KCNMA1: variants seen among roughly 807,000 people sequenced by gnomAD.
The protein encoded by KCNMA1 is Calcium-activated potassium channel subunit alpha-1.
A neutral mutation model predicts 140.0 loss-of-function variants in KCNMA1; 29 were observed. The observed-to-expected ratio is 0.21, with a 90% CI of 0.15 to 0.28. The LOEUF (loss-of-function observed/expected upper bound fraction) is 0.28. Ranked by LOEUF, KCNMA1 falls within the 10% of genes least tolerant of loss-of-function variation. The pLI, the probability that KCNMA1 is intolerant of heterozygous loss-of-function variation, is 1.00. For missense variants in KCNMA1, 880 were observed against 1,602.2 expected (o/e 0.55, Z 7.70); for synonymous variants, 612 against 611.9 (o/e 1.00, Z 0.00).
intron 1 of KCNMA1, among the ~76,000 whole-genome samples, chr10:77,405,838 G>A (rs919384888): frequency 6.6e-6 from 1 of 152,174 alleles, no homozygotes; most frequent in Admixed American, 6.5e-5. Flanking sequence ...GCAGAGGGAG[G>A]CCAGGCACGT....
Position 76,901,413 on chromosome 10 carries a change from A to T in KCNMA1, c.3147+8553T>A, listed in dbSNP as rs578018249. 3 of 152,292 alleles carry T rather than the reference A, an allele frequency of 2.0e-5. No homozygotes were observed. In the East Asian group the frequency reaches 5.8e-4, roughly 29 times the overall value. The allele number at this position is 152,292 out of a possible 1,614,324, so 9.4% of individuals were successfully genotyped here. The stretch of plus-strand genomic sequence containing the variant: ...AATAAAAACACAGTCAATTTTTTTT[A>T]AACAAAGGGCACTATAGGTTATCCA... On this transcript the variant is annotated intron_variant, in intron 25 of 27. Transcript: ENST00000286628.
At chr10:76,944,035 G>T (rs974056313) in intron 23 of KCNMA1, among the ~76,000 whole-genome samples, 1 of 152,142 alleles carries the variant, frequency 6.6e-6, no homozygotes. Context: ...CTACACGGAG[G>T]TGTCACTCAA....
At chr10:77,522,464 A>G (rs1173806504) in intron 1 of KCNMA1, among the ~76,000 whole-genome samples, 3 of 152,220 alleles carry the variant, frequency 2.0e-5, no homozygotes, top group South Asian at 4.1e-4. Flanking sequence ...TCAAAATTGA[A>G]TAACTGTCGG....
At chr10:77,221,958 C>T (rs966833977) in intron 3 of KCNMA1, among the ~76,000 whole-genome samples, 1 of 152,200 alleles carries the variant, frequency 6.6e-6, no homozygotes, top group Non-Finnish European at 1.5e-5. Flanking sequence ...TGAATTTAGA[C>T]AAATGTCAAA....
chr10:77,252,650 C>T (rs2059903727), intron 2 of KCNMA1, among the ~76,000 whole-genome samples: 1 of 151,536 alleles, frequency 6.6e-6, no homozygotes, highest in Non-Finnish European at 1.5e-5. Flanking sequence ...TTTATGTGTG[C>T]CAAAGTGGCT....
chr10:77,366,148 C>CTT (rs2094344355), intron 2 of KCNMA1, among the ~76,000 whole-genome samples: 1 of 149,782 alleles, frequency 6.7e-6, no homozygotes. Flanking sequence ...CTCTCTCTTT[C>CTT]TCTTTCTTTC....
At chr10:76,978,269 A>G (rs2078302052) in intron 19 of KCNMA1, among the ~76,000 whole-genome samples, 1 of 152,222 alleles carries the variant, frequency 6.6e-6, no homozygotes, top group South Asian at 2.1e-4. Flanking sequence ...AATGTGCCCC[A>G]TCAGTTTGGC....
intron 2 of KCNMA1, among the ~76,000 whole-genome samples, chr10:77,382,427 A>C (rs2095422518): frequency 6.6e-6 from 1 of 152,214 alleles, no homozygotes; most frequent in Admixed American, 6.5e-5. Flanking sequence ...GACAGTTTGT[A>C]ATTGGAGGAG....
At chr10:76,942,805 A>T (rs1565077457) in intron 23 of KCNMA1, among the ~76,000 whole-genome samples, 1 of 152,138 alleles carries the variant, frequency 6.6e-6, no homozygotes, top group Admixed American at 6.5e-5. Context: ...TTCTGTCTGT[A>T]CTTAAAGGGA....
chr10:77,168,026 C>A (rs1279868151), intron 5 of KCNMA1, among the ~76,000 whole-genome samples: 1 of 152,106 alleles, frequency 6.6e-6, no homozygotes, highest in Non-Finnish European at 1.5e-5. Context: ...TTGCTCCTAG[C>A]CTATTTATAA....
chr10:76,998,278 T>C (rs2085040862), intron 19 of KCNMA1, among the ~76,000 whole-genome samples: 1 of 152,070 alleles, frequency 6.6e-6, no homozygotes, highest in Non-Finnish European at 1.5e-5. Flanking sequence ...AAACACATAA[T>C]GGGACTTTGT....
At chr10:77,180,320 GT>G (rs2098793301) in intron 5 of KCNMA1, among the ~76,000 whole-genome samples, 1 of 152,154 alleles carries the variant, frequency 6.6e-6, no homozygotes, top group African/African-American at 2.4e-5. Context: ...TGGTACAATG[GT>G]TGTTTCACAA....
chr10:77,030,194 T>C (rs185446234), intron 15 of KCNMA1, among the ~76,000 whole-genome samples: 2 of 152,318 alleles, frequency 1.3e-5, no homozygotes, highest in East Asian at 3.9e-4. Context: ...GGTTTTCTGA[T>C]TCCTGCCAGC....
chr10:77,056,620 T>C (rs2095550384), intron 14 of KCNMA1, among the ~76,000 whole-genome samples: 1 of 152,076 alleles, frequency 6.6e-6, no homozygotes, highest in Admixed American at 6.5e-5. Flanking sequence ...ATGACACAGA[T>C]GTTGGAATAA....
intron 1 of KCNMA1, among the ~76,000 whole-genome samples, chr10:77,430,456 G>A (rs549591986): frequency 6.6e-6 from 1 of 152,258 alleles, no homozygotes; most frequent in South Asian, 2.1e-4. Flanking sequence ...GTCTACTGTA[G>A]CCTTTATCTC....
chr10:77,210,107 C>T (rs888173796), intron 3 of KCNMA1, among the ~76,000 whole-genome samples: 2 of 151,772 alleles, frequency 1.3e-5, no homozygotes, highest in Admixed American at 6.6e-5. Flanking sequence ...AGAGACACAA[C>T]AAAAAAAGAA....
chr10:77,405,126 T>C (rs1338210347), intron 1 of KCNMA1, among the ~76,000 whole-genome samples: 1 of 152,220 alleles, frequency 6.6e-6, no homozygotes, highest in Non-Finnish European at 1.5e-5. Context: ...AACCTTTGCA[T>C]ACAGTGAGTG....
At chr10:77,359,442 G>A (rs1222535453) in intron 2 of KCNMA1, among the ~76,000 whole-genome samples, 1 of 152,114 alleles carries the variant, frequency 6.6e-6, no homozygotes, top group African/African-American at 2.4e-5. Context: ...ACAGGCCTGT[G>A]GGGTGACAAA....
intron 5 of KCNMA1, among the ~76,000 whole-genome samples, chr10:77,124,879 A>G (rs1344272492): frequency 7.2e-5 from 11 of 152,188 alleles, no homozygotes; most frequent in Admixed American, 7.2e-4. Context: ...TAAAGGAAAG[A>G]GGTTTAATTG....
Sources: gnomAD v4.1 joint callset for allele counts (sites outside exome capture counted in the v4.1 genomes callset) on GRCh38, gnomAD v4.1.1 for gene constraint, MANE v1.5 for transcripts, NCBI Gene and HGNC (gene_info 2026-07-23, HGNC 2026-07-21) for gene names.